GLS: variants seen among roughly 807,000 people sequenced by gnomAD.
GLS encodes the protein glutaminase kidney isoform, mitochondrial.
GLS carries 36 observed loss-of-function variants against 86.7 expected under a neutral mutation model. That is an observed-to-expected ratio of 0.42 (90% CI 0.32 to 0.55). The LOEUF is 0.55. Among genes scored for constraint, GLS ranks in the 20% least tolerant of loss-of-function variants. The pLI is 0.17. For synonymous variants in GLS, 317 were observed against 305.9 expected (o/e 1.04, Z -0.38); for missense variants, 528 against 833.4 (o/e 0.63, Z 4.51).
intron 11 of GLS, among the ~76,000 whole-genome samples, chr2:190,925,304 T>C (rs1408665827): frequency 6.6e-6 from 1 of 152,236 alleles, no homozygotes; most frequent in Non-Finnish European, 1.5e-5. Context: ...TTGTAATTTC[T>C]TTGTTACTAC....
intron 7 of GLS, among the ~76,000 whole-genome samples, chr2:190,915,132 A>G (rs1689484774): frequency 6.7e-6 from 1 of 149,932 alleles, no homozygotes; most frequent in African/African-American, 2.4e-5. Context: ...CTGGGACTAC[A>G]GGCGCCCGCC....
At chr2:190,939,608 C>G (rs1333986770) in intron 14 of GLS, among the ~76,000 whole-genome samples, 1 of 151,508 alleles carries the variant, frequency 6.6e-6, no homozygotes, top group Non-Finnish European at 1.5e-5. Context: ...CTTTTTAGAT[C>G]TAGATGAGAA....
chr2:190,913,466 G>T lies in GLS; in HGVS notation c.1038+3145G>T. 2.1e-6 allele frequency: 2 copies of T among 939,828 alleles called. No homozygotes were observed. Among genetic ancestry groups the T allele is most frequent in the Non-Finnish European group, 1.3e-6 (1 of 771,472 alleles). The allele number at this position is 939,828 out of a possible 1,614,324, so 58.2% of individuals were successfully genotyped here. On this transcript the variant is annotated intron_variant, in intron 7 of 17. Transcript: ENST00000320717. This position sits in a 1 kb window ranked among gnomAD's most constrained non-coding sequence, Gnocchi z 6.1. ...ACTTCCTCTCTTTTTCTCTGTGGTA[G>T]CTACTAACTTTAAAGGAATACTTTT...
At chr2:190,929,163 T>C (rs11693788) in intron 12 of GLS, among the ~76,000 whole-genome samples, 17,343 of 147,006 alleles carry the variant, frequency 0.12, 1,354 homozygotes, top group Admixed American at 0.27. Flanking sequence ...ATGACATTAA[T>C]TTTTTTTTTT....
At chr2:190,926,734 GT>G (rs1171294297) in intron 11 of GLS, among the ~76,000 whole-genome samples, 1 of 152,044 alleles carries the variant, frequency 6.6e-6, no homozygotes, top group Non-Finnish European at 1.5e-5. Flanking sequence ...TAACATTTTG[GT>G]TTAGGCTTAC....
At chr2:190,884,737 C>T (rs1223740719) in intron 1 of GLS, among the ~76,000 whole-genome samples, 2 of 152,142 alleles carry the variant, frequency 1.3e-5, no homozygotes, top group African/African-American at 2.4e-5. Context: ...AAAATACCAG[C>T]ATATGTATGT....
Position 190,930,388 on chromosome 2 carries a change from C to T in GLS, c.1426-49C>T, listed in dbSNP as rs756852003. The stretch of plus-strand genomic sequence containing the variant: ...TTCCCTATTGTTGAACATAACATTT[C>T]TTATTTTAAAATGTTTACCTGAATA... On this transcript the variant is annotated intron_variant, in intron 12 of 17. Coordinates refer to ENST00000320717, the MANE Select transcript of GLS (RefSeq NM_014905.5). This position sits in a 1 kb window ranked among gnomAD's most constrained non-coding sequence, Gnocchi z 5.0. The T allele has an allele frequency of 1.4e-6, 2 of 1,404,384 alleles. No individual in the cohort carries two copies. The highest frequency in any genetic ancestry group is 1.2e-5 in the South Asian group (1 of 85,808). The allele number at this position is 1,404,384 out of a possible 1,614,324, so 87.0% of individuals were successfully genotyped here.
intron 3 of GLS, among the ~76,000 whole-genome samples, chr2:190,898,887 C>T (rs1688846287): frequency 6.6e-6 from 1 of 152,202 alleles, no homozygotes; most frequent in Non-Finnish European, 1.5e-5. Context: ...CTCAGCCTCC[C>T]AAAGTGCTGG....
Position 190,913,144 on chromosome 2 carries a change from AAG to A in GLS, c.1038+2825_1038+2826del. ...CCCAAAATTAAGTAGAGTCTTTAGT[AAG>A]ACTCTTGATTTCATAATTTTGTAGT... is the stretch of plus-strand genomic sequence containing the variant. On this transcript the variant is annotated intron_variant, in intron 7 of 17. Coordinates refer to ENST00000320717, the MANE Select transcript of GLS (RefSeq NM_014905.5). This position sits in a 1 kb window ranked among gnomAD's most constrained non-coding sequence, Gnocchi z 6.1. The A allele has an allele frequency of 7.8e-7, 1 of 1,289,968 alleles. No homozygotes were observed. Among genetic ancestry groups the A allele is most frequent in the Non-Finnish European group, 1.0e-6 (1 of 976,110 alleles). 79.9% of individuals were successfully genotyped at this position (1,289,968 alleles called of 1,614,324 possible).
At chr2:190,915,863 C>G (rs1689515153) in intron 7 of GLS, among the ~76,000 whole-genome samples, 2 of 152,102 alleles carry the variant, frequency 1.3e-5, no homozygotes, top group African/African-American at 4.8e-5. Context: ...GTTTCCAGTT[C>G]TTTGGTTTCA....
chr2:190,896,825 ACAT>A (rs1455836604), intron 3 of GLS, among the ~76,000 whole-genome samples: 1 of 152,110 alleles, frequency 6.6e-6, no homozygotes, highest in African/African-American at 2.4e-5. Context: ...AGACAGAAAA[ACAT>A]CATTTCTAAA....
At position 190,880,926 on chromosome 2, in the gene GLS, A is replaced by C. The variant is rs1455509161; in HGVS notation, c.-159A>C. ...CAGCAGCAGCAGCAGCAGCACCCGC[A>C]TCCGCTGCGGGAGTCCGAGCCGGAA... On this transcript the variant is annotated 5_prime_UTR_variant, in exon 1 of 18. Transcript: ENST00000320717. 4.1e-6 allele frequency: 4 copies of C among 974,146 alleles called. No individual in the cohort carries two copies. Among genetic ancestry groups the C allele is most frequent in the Admixed American group, 2.1e-5 (1 of 48,096 alleles). The allele number at this position is 974,146 out of a possible 1,614,324, so 60.3% of individuals were successfully genotyped here.
intron 1 of GLS, among the ~76,000 whole-genome samples, chr2:190,885,176 G>A (rs1331145468): frequency 3.3e-5 from 5 of 151,840 alleles, no homozygotes; most frequent in African/African-American, 1.2e-4. Context: ...AAATCATCGA[G>A]GTGTATACTC....
chr2:190,961,029 A>G (rs1454390312), intron 17 of GLS, among the ~76,000 whole-genome samples: 1 of 152,196 alleles, frequency 6.6e-6, no homozygotes, highest in Non-Finnish European at 1.5e-5. Context: ...TGTGCTTTGT[A>G]TATGTATTAA....
chr2:190,933,685 A>C, intron 14 of GLS: 1 of 955,360 alleles, frequency 1.0e-6, no homozygotes, highest in Non-Finnish European at 1.2e-6. Flanking sequence ...TTTTATTTTC[A>C]TATTATCCAC....
At chr2:190,886,638 G>T (rs527238596) in intron 1 of GLS, among the ~76,000 whole-genome samples, 2 of 152,256 alleles carry the variant, frequency 1.3e-5, no homozygotes, top group Admixed American at 6.5e-5. Flanking sequence ...AAATCAGGCT[G>T]GGCGTGGTGG....
intron 14 of GLS, among the ~76,000 whole-genome samples, chr2:190,948,249 A>G (rs187566713): frequency 6.6e-6 from 1 of 152,174 alleles, no homozygotes; most frequent in Admixed American, 6.5e-5. Flanking sequence ...CCAAACTTCC[A>G]TGTTAGTCTT....
chr2:190,961,322 T>C (rs1385973803), intron 17 of GLS, among the ~76,000 whole-genome samples: 1 of 152,132 alleles, frequency 6.6e-6, no homozygotes, highest in Admixed American at 6.5e-5. Flanking sequence ...CTCAGCCACC[T>C]GAGTAGCTGG....
At chr2:190,948,756 A>G (rs1690641048) in intron 14 of GLS, among the ~76,000 whole-genome samples, 1 of 152,242 alleles carries the variant, frequency 6.6e-6, no homozygotes, top group Non-Finnish European at 1.5e-5. Flanking sequence ...GACGGAGATT[A>G]CTTTTGATTT....
Sources: allele counts gnomAD v4.1 joint callset (sites outside exome capture counted in the v4.1 genomes callset), GRCh38; gene constraint gnomAD v4.1.1; non-coding constraint Gnocchi (gnomAD v3.1); transcripts MANE v1.5; gene names NCBI Gene and HGNC (gene_info 2026-07-23, HGNC 2026-07-21).